The following CHL1 variants were observed in gnomAD, a reference collection of about 807,000 sequenced individuals.
The protein encoded by CHL1 is cell adhesion molecule L1 like, also known as neural cell adhesion molecule L1-like protein.
A neutral mutation model predicts 141.9 loss-of-function variants in CHL1; 96 were observed. The observed-to-expected ratio is 0.68, with a 90% CI of 0.57 to 0.80. The LOEUF is 0.80. Ranked by LOEUF, CHL1 falls within the 30% of genes least tolerant of loss-of-function variation. The probability of loss-of-function intolerance (pLI) is 0.00; values close to 1 mark genes in which losing one functional copy is unlikely to be tolerated. For missense variants in CHL1, 1,820 were observed against 1,457.2 expected (o/e 1.25, Z -4.05); for synonymous variants, 613 against 502.2 (o/e 1.22, Z -2.95).
chr3:319,099 TC>T (rs1256203704), intron 2 of CHL1, among the ~76,000 whole-genome samples: 1 of 119,302 alleles, frequency 8.4e-6, no homozygotes, highest in African/African-American at 3.7e-5. Flanking sequence ...GAAGTGGAAG[TC>T]CAACACTGAA....
intron 2 of CHL1, among the ~76,000 whole-genome samples, chr3:257,262 C>T (rs977231569): frequency 2.6e-5 from 4 of 151,886 alleles, no homozygotes; most frequent in Admixed American, 6.6e-5. Flanking sequence ...TTAATTCTTT[C>T]AATATTTCAG....
intron 1 of CHL1, among the ~76,000 whole-genome samples, chr3:239,540 G>C (rs894156596): frequency 4.0e-5 from 6 of 150,716 alleles, no homozygotes; most frequent in Admixed American, 2.7e-4. Flanking sequence ...ACTATTAATT[G>C]ATATGTGTAG....
chr3:376,788 A>G (rs1706381758), intron 15 of CHL1, among the ~76,000 whole-genome samples: 1 of 152,180 alleles, frequency 6.6e-6, no homozygotes, highest in African/African-American at 2.4e-5. Flanking sequence ...AATTCATGTC[A>G]AAGTTTTATT....
At position 198,475 on chromosome 3, in the gene CHL1, T is replaced by A. The variant is rs145170758; in HGVS notation, c.-175+1412T>A. ...CCGGGACGCCCACGTGGCTTCGAAT[T>A]CCAGCTCCACCATCACTGTGATGCG... On this transcript the variant is annotated intron_variant, in intron 1 of 27. Coordinates refer to ENST00000256509, the MANE Select transcript of CHL1 (RefSeq NM_006614.4). Among the ~76,000 whole-genome samples, 13 of 152,274 alleles carry A rather than the reference T, an allele frequency of 8.5e-5. No individual in the cohort carries two copies. In the East Asian group the frequency reaches 2.5e-3, roughly 29 times the overall value.
intron 2 of CHL1, among the ~76,000 whole-genome samples, chr3:282,115 C>T (rs1382614619): frequency 6.6e-6 from 1 of 152,010 alleles, no homozygotes; most frequent in Non-Finnish European, 1.5e-5. Context: ...TCTGGCATGC[C>T]ATTTTATTAC....
At chr3:249,990 C>T (rs1187923954) in intron 2 of CHL1, among the ~76,000 whole-genome samples, 1 of 150,870 alleles carries the variant, frequency 6.6e-6, no homozygotes, top group African/African-American at 2.4e-5. Flanking sequence ...TTTTTTGAGA[C>T]ATGTCTCACT....
intron 1 of CHL1, among the ~76,000 whole-genome samples, chr3:236,587 A>G (rs12496575): frequency 0.58 from 87,767 of 152,018 alleles, 27,266 homozygotes; most frequent in Non-Finnish European, 0.7. Flanking sequence ...TTATAGTAAT[A>G]TAATTCTATT....
Position 361,783 on chromosome 3 carries a change from T to C in CHL1, c.1391T>C (p.Phe464Ser), listed in dbSNP as rs561264340. The change falls in exon 13 of 28, where the codon TTT (phenylalanine) becomes TCT (serine). Residue 464 changes from phenylalanine (F) to serine (S), a missense_variant. Physicochemically the swap from Phe to Ser is radical, Grantham distance 155. Transcript: ENST00000256509. ...AGTGCTTTCTTACATTGCGAGTTCTTTGCTTCACCTGAGGCAGTCGTGTCC... is the reference window on the plus strand; with the variant it reads ...AGTGCTTTCTTACATTGCGAGTTCTCTGCTTCACCTGAGGCAGTCGTGTCC... Reference protein sequence around the residue: ...GYSAFLHCEFFASPEAVVSWQ... With the variant: ...GYSAFLHCEFSASPEAVVSWQ... The C allele has an allele frequency of 6.2e-7, 1 of 1,613,254 alleles. No homozygotes were observed. Among genetic ancestry groups the C allele is most frequent in the Non-Finnish European group, 8.5e-7 (1 of 1,179,254 alleles).
chr3:281,375 T>C (rs1034377992), intron 2 of CHL1, among the ~76,000 whole-genome samples: 2 of 152,188 alleles, frequency 1.3e-5, no homozygotes, highest in Non-Finnish European at 2.9e-5. Flanking sequence ...TGTGCTATCC[T>C]CTGGTTCCTT....
intron 2 of CHL1, among the ~76,000 whole-genome samples, chr3:272,329 A>T (rs1272495765): frequency 2.0e-5 from 3 of 152,164 alleles, no homozygotes; most frequent in African/African-American, 7.2e-5. Context: ...TCATTATGGT[A>T]TACTTTGTTG....
intron 2 of CHL1, among the ~76,000 whole-genome samples, chr3:297,389 G>T (rs1228307246): frequency 6.6e-6 from 1 of 152,068 alleles, no homozygotes; most frequent in Admixed American, 6.6e-5. Context: ...TATTATTGCT[G>T]CAGTTGCTCT....
chr3:250,846 T>C (rs1226254693), intron 2 of CHL1, among the ~76,000 whole-genome samples: 1 of 152,154 alleles, frequency 6.6e-6, no homozygotes, highest in African/African-American at 2.4e-5. Context: ...AATGTCTTTC[T>C]AGTTGTCTAA....
chr3:197,657 C>T (rs993199436), intron 1 of CHL1: 7 of 361,694 alleles, frequency 1.9e-5, no homozygotes, highest in Non-Finnish European at 3.8e-5. Flanking sequence ...ATGCCGCCAG[C>T]CTGGAGCGGG....
chr3:360,382 G>T lies in CHL1; in HGVS notation c.1264G>T (p.Val422Phe). 3 of 1,613,824 alleles carry T rather than the reference G, an allele frequency of 1.9e-6. 1 individual carries two copies. The highest frequency in any genetic ancestry group is 2.2e-5 in the South Asian group (2 of 91,074). ...TGTGTACCAGTGTGAAGCCTCAAAT[G>T]TCCATGGAACTATCCTTGCCAATGC... is the stretch of plus-strand genomic sequence containing the variant. ...TAVYQCEASN[V>F]HGTILANANI... The change falls in exon 12 of 28, where the codon GTC becomes TTC. Residue 422 changes from valine to phenylalanine, a missense_variant. Coordinates refer to ENST00000256509, the MANE Select transcript of CHL1 (RefSeq NM_006614.4).
rs562561370 is a variant in CHL1 at position 275,529 on chromosome 3, T to C, written c.-95+30837T>C. On this transcript the variant is annotated intron_variant, in intron 2 of 27. Coordinates refer to ENST00000256509, the MANE Select transcript of CHL1 (RefSeq NM_006614.4). ...CTTATGAATTGTTTTAGGTGCTATCTGGACTGACACAGTTTTGTTACCTAT... is the reference window on the plus strand; with the variant it reads ...CTTATGAATTGTTTTAGGTGCTATCCGGACTGACACAGTTTTGTTACCTAT... Among the ~76,000 whole-genome samples, 24 of 152,356 alleles carry C rather than the reference T, an allele frequency of 1.6e-4. 1 individual carries two copies. The South Asian group carries it at 4.6e-3, about 29-fold the overall frequency.
chr3:259,424 A>G (rs150856473), intron 2 of CHL1, among the ~76,000 whole-genome samples: 21 of 152,220 alleles, frequency 1.4e-4, no homozygotes, highest in African/African-American at 1.9e-4. Flanking sequence ...TTGAAAATAT[A>G]TGAAGTGTCT....
chr3:365,190 AT>A (rs1704720441), intron 14 of CHL1, among the ~76,000 whole-genome samples: 1 of 152,246 alleles, frequency 6.6e-6, no homozygotes, highest in African/African-American at 2.4e-5. Flanking sequence ...CAAATGCCAC[AT>A]TAAGAGTATA....
In CHL1 at chr3:382,195, A is replaced by G; in HGVS notation, c.1893A>G (p.Pro631=). 6.2e-7 allele frequency: 1 copy of G among 1,613,448 alleles called. No individual in the cohort carries two copies. Among genetic ancestry groups the G allele is most frequent in the Non-Finnish European group, 8.5e-7 (1 of 1,179,602 alleles). The part of the protein sequence containing the change: ...QVTVLDVPDP[P]ENLHLSERQN... ...ATTAATTAGATGTTCCGGATCCACCAGAAAACCTTCACTTGTCTGAAAGAC... is the reference window on the plus strand; with the variant it reads ...ATTAATTAGATGTTCCGGATCCACCGGAAAACCTTCACTTGTCTGAAAGAC... Residue 631 remains proline (P), a synonymous_variant, in exon 17 of 28, where the codon CCA becomes CCG. Coordinates refer to ENST00000256509, the MANE Select transcript of CHL1 (RefSeq NM_006614.4).
chr3:360,312 C>T lies in CHL1; in HGVS notation c.1194C>T (p.Phe398=), dbSNP rs1324217283. The T allele has an allele frequency of 6.2e-7, 1 of 1,613,602 alleles. No homozygotes were observed. The highest frequency in any genetic ancestry group is 2.2e-5 in the East Asian group (1 of 44,866). The part of the protein sequence containing the change: ...DNHPFAGDVV[F]PREISFTNLQ... ...ATCCATTTGCTGGTGATGTTGTCTTCCCCAGGGAAATCAGTTTTACCAACC... is the reference window on the plus strand; with the variant it reads ...ATCCATTTGCTGGTGATGTTGTCTTTCCCAGGGAAATCAGTTTTACCAACC... Residue 398 remains phenylalanine, a synonymous_variant, in exon 12 of 28, where the codon TTC becomes TTT. Transcript: ENST00000256509.
Sources: allele counts gnomAD v4.1 joint callset (sites outside exome capture counted in the v4.1 genomes callset), GRCh38; gene constraint gnomAD v4.1.1; transcripts MANE v1.5; gene names NCBI Gene and HGNC (gene_info 2026-07-23, HGNC 2026-07-21).